The following SLC4A5 variants were observed in gnomAD, a reference collection of about 807,000 sequenced individuals.
SLC4A5 encodes the protein solute carrier family 4 member 5.
Under a neutral mutation model 120.4 loss-of-function variants are expected in SLC4A5, and 96 were observed. The ratio of observed to expected loss-of-function variants is 0.80; its 90% CI spans 0.68 to 0.94. The LOEUF (loss-of-function observed/expected upper bound fraction) is 0.94, where lower values mean the gene tolerates loss of function less well. Among genes scored for constraint, SLC4A5 ranks in the 40% least tolerant of loss-of-function variants. SLC4A5 has a pLI of 0.00. For synonymous variants in SLC4A5, 550 were observed against 571.1 expected (o/e 0.96, Z 0.53); for missense variants, 1,259 against 1,459.5 (o/e 0.86, Z 2.24).
Position 74,255,824 on chromosome 2 carries a change from T to C in SLC4A5, c.976A>G (p.Ile326Val). The change falls in exon 13 of 31, where the codon ATC (isoleucine) becomes GTC (valine). Residue 326 changes from isoleucine to valine, a missense_variant. By Grantham distance (29) the Ile-to-Val change is conservative (BLOSUM62 3). Transcript: ENST00000394019. This position sits in a 1 kb window ranked among gnomAD's most constrained non-coding sequence, Gnocchi z 4.0. ...ACTCCTCCCAGCATGGCCGACTGGATGAGGCGCACGAACGCGATGAATGGC... is the reference window on the plus strand; with the variant it reads ...ACTCCTCCCAGCATGGCCGACTGGACGAGGCGCACGAACGCGATGAATGGC... 1 of 1,614,188 alleles carries C rather than the reference T, an allele frequency of 6.2e-7. No homozygotes were observed. Among genetic ancestry groups the C allele is most frequent in the Non-Finnish European group, 8.5e-7 (1 of 1,180,034 alleles).
chr2:74,232,499 G>A, exon 24 of SLC4A5: 1 of 1,614,032 alleles, frequency 6.2e-7, no homozygotes, highest in South Asian at 1.1e-5. Context: ...CTGCTCCCCA[G>A]GGGCACTGGT....
At chr2:74,225,222 A>G (rs1345929604) in intron 27 of SLC4A5, among the ~76,000 whole-genome samples, 1 of 152,130 alleles carries the variant, frequency 6.6e-6, no homozygotes, top group East Asian at 1.9e-4. Context: ...ACCAGTGACC[A>G]AGAGGGACGG....
intron 7 of SLC4A5, among the ~76,000 whole-genome samples, chr2:74,289,878 TATAAA>T (rs1023480620): frequency 2.2e-4 from 33 of 152,236 alleles, no homozygotes; most frequent in African/African-American, 7.7e-4. Flanking sequence ...GAAAATAAAA[TATAAA>T]ATAAAATAAA....
intron 6 of SLC4A5, 134 bp downstream of exon 6, chr2:74,314,811 A>C (rs1025568503): frequency 3.8e-6 from 3 of 781,962 alleles, no homozygotes; most frequent in Non-Finnish European, 6.6e-6. Context: ...CACCAGCCTC[A>C]AGGAGACACT....
At chr2:74,332,646 C>A (rs992981277) in intron 4 of SLC4A5, among the ~76,000 whole-genome samples, 15 of 152,170 alleles carry the variant, frequency 9.9e-5, no homozygotes, top group African/African-American at 2.9e-4. Flanking sequence ...CTGGAAAAAG[C>A]CTGTCTTCAG....
At chr2:74,217,201 C>T (rs1694470845) in exon 31 of SLC4A5, 1 of 152,186 alleles carries the variant, frequency 6.6e-6, no homozygotes, top group Admixed American at 6.5e-5. Flanking sequence ...TATAGTAACT[C>T]TAACCTCAAG....
At chr2:74,268,958 G>A (rs1281192151) in intron 8 of SLC4A5, among the ~76,000 whole-genome samples, 1 of 152,182 alleles carries the variant, frequency 6.6e-6, no homozygotes, top group African/African-American at 2.4e-5. Flanking sequence ...GTGGGATCCT[G>A]GGGAATCAGA....
intron 8 of SLC4A5, among the ~76,000 whole-genome samples, chr2:74,271,585 T>C (rs567963860): frequency 6.6e-6 from 1 of 152,220 alleles, no homozygotes; most frequent in South Asian, 2.1e-4. Flanking sequence ...TTTTGGTATA[T>C]AACAAATGCC....
intron 13 of SLC4A5, 136 bp from the exon 14 acceptor site, chr2:74,254,842 G>T: frequency 1.5e-6 from 1 of 649,394 alleles, no homozygotes; most frequent in Non-Finnish European, 2.7e-6. Context: ...TTGAGACAGG[G>T]TCTTGCTCCA....
At chr2:74,262,698 CAAAA>C (rs1237319584) in intron 10 of SLC4A5, among the ~76,000 whole-genome samples, 1 of 106,600 alleles carries the variant, frequency 9.4e-6, no homozygotes, top group African/African-American at 3.3e-5. Context: ...GACTCCGTCT[CAAAA>C]AAAAAAAAAA....
intron 11 of SLC4A5, 62 bp downstream of exon 11, chr2:74,262,075 G>T: frequency 6.8e-7 from 1 of 1,479,622 alleles, no homozygotes; most frequent in Non-Finnish European, 9.3e-7. Flanking sequence ...TGGCAATGTG[G>T]CCATGTCACA....
chr2:74,252,286 GCCACCA>G, exon 16 of SLC4A5: 1 of 1,610,968 alleles, frequency 6.2e-7, no homozygotes. Flanking sequence ...CGCCGCCACT[GCCACCA>G]CCACCACCAC....
At chr2:74,270,743 GA>G (rs1671449979) in intron 8 of SLC4A5, among the ~76,000 whole-genome samples, 1 of 152,188 alleles carries the variant, frequency 6.6e-6, no homozygotes, top group Admixed American at 6.5e-5. Flanking sequence ...CCCTGCCATG[GA>G]AACTCCCGGG....
At chr2:74,296,492 G>T (rs1023893003) in intron 7 of SLC4A5, among the ~76,000 whole-genome samples, 1 of 151,824 alleles carries the variant, frequency 6.6e-6, no homozygotes, top group Non-Finnish European at 1.5e-5. Context: ...GCCAGGCACT[G>T]TGGCTCACGT....
At chr2:74,300,143 T>G (rs1672435101) in intron 7 of SLC4A5, among the ~76,000 whole-genome samples, 1 of 152,228 alleles carries the variant, frequency 6.6e-6, no homozygotes, top group Non-Finnish European at 1.5e-5. Context: ...CTCATTTATA[T>G]GTGGAATCTG....
chr2:74,262,673 T>C (rs1405101277), intron 10 of SLC4A5, among the ~76,000 whole-genome samples: 1 of 150,320 alleles, frequency 6.7e-6, no homozygotes, highest in Non-Finnish European at 1.5e-5. Flanking sequence ...CACTCCAGCC[T>C]GGGTGACAGA....
At position 74,227,962 on chromosome 2, in the gene SLC4A5, C is replaced by T. The variant is rs1479009475; in HGVS notation, c.2848-84G>A. On this transcript the variant is annotated intron_variant, in intron 25 of 30. Coordinates refer to ENST00000394019, the Ensembl canonical transcript of SLC4A5. The stretch of plus-strand genomic sequence containing the variant: ...GTTCTGGATGACAGTGGCTCCTGAC[C>T]ACAGAGGCAGCTAGGAAACTGGATA... 6 of 967,736 alleles carry T rather than the reference C, an allele frequency of 6.2e-6. No homozygotes were observed. In the African/African-American group the frequency reaches 1.0e-4, roughly 16 times the overall value. 59.9% of individuals were successfully genotyped at this position (967,736 alleles called of 1,614,324 possible). A position where few individuals can be genotyped will look rare whatever the true frequency, so the allele number is the denominator to read the frequency against.
chr2:74,314,525 A>C (rs1216082353), intron 6 of SLC4A5, among the ~76,000 whole-genome samples: 1 of 152,182 alleles, frequency 6.6e-6, no homozygotes, highest in East Asian at 1.9e-4. Flanking sequence ...AGTGTGTAGG[A>C]GGCTTTGGGC....
At chr2:74,235,512 GA>G (rs759403570) in intron 21 of SLC4A5, among the ~76,000 whole-genome samples, 1 of 152,182 alleles carries the variant, frequency 6.6e-6, no homozygotes, top group Non-Finnish European at 1.5e-5. Context: ...GTCAATGTGG[GA>G]TCTGTTATGA....
Sources: allele counts gnomAD v4.1 joint callset (sites outside exome capture counted in the v4.1 genomes callset), GRCh38; gene constraint gnomAD v4.1.1; non-coding constraint Gnocchi (gnomAD v3.1); transcripts MANE v1.5; gene names NCBI Gene and HGNC (gene_info 2026-07-23, HGNC 2026-07-21).